Variants in CACNA1E observed in about 807,000 individuals in gnomAD.
CACNA1E encodes calcium voltage-gated channel subunit alpha1 E.
In CACNA1E, 40 loss-of-function variants were observed where a neutral mutation model predicts 259.2. The ratio of observed to expected loss-of-function variants is 0.15; its 90% CI spans 0.12 to 0.20. The LOEUF is 0.20. Ranked by LOEUF, CACNA1E falls within the 10% of genes least tolerant of loss-of-function variation. CACNA1E has a pLI of 1.00. For missense variants in CACNA1E, 1,874 were observed against 3,040.1 expected (o/e 0.62, Z 9.02); for synonymous variants, 1,104 against 1,138.5 (o/e 0.97, Z 0.61).
At chr1:181,775,814 C>T (rs1488271163) in intron 37 of CACNA1E, among the ~76,000 whole-genome samples, 5 of 152,208 alleles carry the variant, frequency 3.3e-5, no homozygotes, top group Non-Finnish European at 7.3e-5. Context: ...TGAATAGTTA[C>T]AGCAGAGACC....
At chr1:181,430,744 C>T (rs4477226) in intron 2 of CACNA1E, among the ~76,000 whole-genome samples, 60,557 of 152,028 alleles carry the variant, frequency 0.4, 12,352 homozygotes, top group African/African-American at 0.46. Context: ...CAAAGACAAG[C>T]TTTAGCTGTC....
chr1:181,700,905 G>A (rs1047089968), intron 7 of CACNA1E, among the ~76,000 whole-genome samples: 2 of 152,036 alleles, frequency 1.3e-5, no homozygotes, highest in African/African-American at 4.8e-5. Context: ...AGCTCCCCCT[G>A]CTCCATTTTC....
chr1:181,426,914 T>G (rs67837121), intron 2 of CACNA1E, among the ~76,000 whole-genome samples: 1 of 123,868 alleles, frequency 8.1e-6, no homozygotes, highest in Non-Finnish European at 1.7e-5. Flanking sequence ...CCTTCCCATC[T>G]CAACCCTTCA....
chr1:181,433,153 C>T (rs1659832089), intron 2 of CACNA1E, among the ~76,000 whole-genome samples: 1 of 152,192 alleles, frequency 6.6e-6, no homozygotes, highest in African/African-American at 2.4e-5. Context: ...AGGATTGTCA[C>T]CTTTTTTTCT....
At chr1:181,731,138 T>C (rs746651332) in intron 18 of CACNA1E, 37 bp from the exon 19 acceptor site, 29 of 1,572,252 alleles carry the variant, frequency 1.8e-5, no homozygotes, top group Non-Finnish European at 2.5e-5. Flanking sequence ...TTCCTAGAGG[T>C]TGGGGTGAAC....
At chr1:181,742,595 G>A (rs1161908333) in intron 25 of CACNA1E, among the ~76,000 whole-genome samples, 1 of 152,160 alleles carries the variant, frequency 6.6e-6, no homozygotes, top group African/African-American at 2.4e-5. Context: ...TCAGAAACCA[G>A]GGCTGACATG....
At chr1:181,789,273 T>TA (rs1661094641) in intron 43 of CACNA1E, among the ~76,000 whole-genome samples, 1 of 152,162 alleles carries the variant, frequency 6.6e-6, no homozygotes. Flanking sequence ...TTAAATACTG[T>TA]AAAAACTCTG....
chr1:181,374,512 G>C (rs773146220), intron 1 of CACNA1E, among the ~76,000 whole-genome samples: 2 of 151,944 alleles, frequency 1.3e-5, no homozygotes, highest in Non-Finnish European at 2.9e-5. Flanking sequence ...TCCCAGGCTG[G>C]AGTGCAGTGA....
intron 7 of CACNA1E, among the ~76,000 whole-genome samples, chr1:181,667,843 T>TG (rs1256710347): frequency 7.2e-6 from 1 of 138,052 alleles, no homozygotes; most frequent in Non-Finnish European, 1.6e-5. Context: ...CGTGTCTGTC[T>TG]TTTTTTTTTT....
At chr1:181,451,554 G>A (rs535241560) in intron 2 of CACNA1E, among the ~76,000 whole-genome samples, 40 of 152,244 alleles carry the variant, frequency 2.6e-4, no homozygotes, top group South Asian at 6.2e-4. Flanking sequence ...GCATGGTGGC[G>A]CATGCCTGTA....
At chr1:181,474,556 G>C (rs1474698240) in intron 2 of CACNA1E, among the ~76,000 whole-genome samples, 1 of 133,754 alleles carries the variant, frequency 7.5e-6, no homozygotes, top group African/African-American at 3.1e-5. Flanking sequence ...TCAGAATCTA[G>C]TGCATGTCTT....
intron 7 of CACNA1E, among the ~76,000 whole-genome samples, chr1:181,697,504 A>G (rs1329722157): frequency 6.6e-6 from 1 of 152,244 alleles, no homozygotes; most frequent in Non-Finnish European, 1.5e-5. Context: ...GATGATATCA[A>G]TACCACATCT....
intron 2 of CACNA1E, among the ~76,000 whole-genome samples, chr1:181,472,621 C>A (rs1662584349): frequency 6.6e-6 from 1 of 152,202 alleles, no homozygotes; most frequent in South Asian, 2.1e-4. Context: ...GTTTACAAAG[C>A]ATTTTAATAC....
chr1:181,653,871 C>T (rs1180745356), intron 7 of CACNA1E, among the ~76,000 whole-genome samples: 1 of 152,188 alleles, frequency 6.6e-6, no homozygotes, highest in Non-Finnish European at 1.5e-5. Context: ...GGGGGGCTCC[C>T]AGTCATCCCA....
intron 1 of CACNA1E, among the ~76,000 whole-genome samples, chr1:181,385,286 C>A (rs953158463): frequency 6.6e-6 from 1 of 152,186 alleles, no homozygotes; most frequent in African/African-American, 2.4e-5. Flanking sequence ...TAATAAAAAT[C>A]ATTTCATATA....
Position 181,758,768 on chromosome 1 carries a change from C to G in CACNA1E, c.4505C>G (p.Ala1502Gly), listed in dbSNP as rs1279253755. The change falls in exon 32 of 48, where the codon GCT (alanine) becomes GGT (glycine). Residue 1502 changes from alanine to glycine, a missense_variant. Physicochemically the swap from Ala to Gly is moderately conservative, Grantham distance 60 (BLOSUM62 0). Coordinates refer to ENST00000367573, the MANE Select transcript of CACNA1E (RefSeq NM_001205293.3). The surrounding 1 kb of genome is among the most constrained non-coding windows in gnomAD (Gnocchi z 4.2). ...TTTTCTTCCTGGCAGTATTATTCTGCTCCCTGTACCTATGAGCTGGCCCTG... is the reference window on the plus strand; with the variant it reads ...TTTTCTTCCTGGCAGTATTATTCTGGTCCCTGTACCTATGAGCTGGCCCTG... Reference protein sequence around the residue: ...TVVLMMKYYSAPCTYELALKY... With the variant: ...TVVLMMKYYSGPCTYELALKY... 1 of 1,583,192 alleles carries G rather than the reference C, an allele frequency of 6.3e-7. No homozygotes were observed.
chr1:181,519,620 G>C (rs1666846748), intron 3 of CACNA1E, among the ~76,000 whole-genome samples: 1 of 152,092 alleles, frequency 6.6e-6, no homozygotes, highest in South Asian at 2.1e-4. Flanking sequence ...AGTGCATGTT[G>C]CTAAGTAACT....
chr1:181,642,681 T>G (rs1657907046), intron 6 of CACNA1E, among the ~76,000 whole-genome samples: 2 of 152,194 alleles, frequency 1.3e-5, no homozygotes, highest in Non-Finnish European at 1.5e-5. Flanking sequence ...GGGCACGTTC[T>G]CTTTAATCCT....
chr1:181,781,558 C>A, intron 39 of CACNA1E, 35 bp downstream of exon 39: 1 of 1,078,808 alleles, frequency 9.3e-7, no homozygotes, highest in Non-Finnish European at 1.4e-6. Context: ...GGGCTACAGA[C>A]CAACAGGAAA....
Sources: allele counts gnomAD v4.1 joint callset (sites outside exome capture counted in the v4.1 genomes callset), GRCh38; gene constraint gnomAD v4.1.1; non-coding constraint Gnocchi (gnomAD v3.1); transcripts MANE v1.5; gene names NCBI Gene and HGNC (gene_info 2026-07-23, HGNC 2026-07-21).